The following EPS15 variants were observed in gnomAD, a reference collection of about 807,000 sequenced individuals.
EPS15 encodes epidermal growth factor receptor pathway substrate 15, also known as epidermal growth factor receptor substrate 15.
EPS15 carries 72 observed loss-of-function variants against 113.8 expected under a neutral mutation model. That is an observed-to-expected ratio of 0.63 (90% CI 0.52 to 0.77). The LOEUF (loss-of-function observed/expected upper bound fraction) is 0.77, where lower values mean the gene tolerates loss of function less well. Ranked by LOEUF, EPS15 falls within the 30% of genes least tolerant of loss-of-function variation. The pLI, the probability that EPS15 is intolerant of heterozygous loss-of-function variation, is 0.00. For synonymous variants in EPS15, 344 were observed against 363.4 expected (o/e 0.95, Z 0.61); for missense variants, 1,048 against 1,045.8 (o/e 1.00, Z -0.03).
intron 12 of EPS15, among the ~76,000 whole-genome samples, chr1:51,437,670 A>G (rs1652261115): frequency 6.6e-6 from 1 of 151,914 alleles, no homozygotes; most frequent in Admixed American, 6.6e-5. Flanking sequence ...TTTAGTAGAG[A>G]CAACGTTTCA....
intron 8 of EPS15, among the ~76,000 whole-genome samples, chr1:51,455,573 G>A (rs910263340): frequency 1.6e-4 from 24 of 151,420 alleles, no homozygotes; most frequent in African/African-American, 5.6e-4. Context: ...CTGGGTGACA[G>A]ACTCTCAAAA....
chr1:51,469,613 T>C (rs1655099997), intron 4 of EPS15, among the ~76,000 whole-genome samples: 1 of 152,198 alleles, frequency 6.6e-6, no homozygotes, highest in South Asian at 2.1e-4. Context: ...CCTTCACTAC[T>C]TCTCTGAAAT....
intron 12 of EPS15, among the ~76,000 whole-genome samples, chr1:51,422,310 T>C (rs1038976649): frequency 3.3e-5 from 5 of 152,144 alleles, no homozygotes; most frequent in African/African-American, 1.2e-4. Context: ...TTTACTGAAG[T>C]GTTAATTTCC....
chr1:51,499,146 C>T (rs1376706845), intron 1 of EPS15, among the ~76,000 whole-genome samples: 2 of 152,202 alleles, frequency 1.3e-5, no homozygotes, highest in African/African-American at 2.4e-5. Flanking sequence ...GCCTCCAGAA[C>T]TGGAAGAAAT....
At chr1:51,508,223 GAAAAGAA>G (rs1557536222) in intron 1 of EPS15, among the ~76,000 whole-genome samples, 2 of 78,472 alleles carry the variant, frequency 2.5e-5, no homozygotes, top group African/African-American at 9.4e-5. Context: ...GAAAAGAAAA[GAAAAGAA>G]AAGAAAAGAA....
intron 13 of EPS15, among the ~76,000 whole-genome samples, chr1:51,415,910 A>T (rs1650178131): frequency 1.3e-5 from 2 of 151,918 alleles, no homozygotes; most frequent in African/African-American, 2.4e-5. Context: ...ACAAAATCAA[A>T]ATGAACTCAT....
intron 24 of EPS15, among the ~76,000 whole-genome samples, chr1:51,357,447 T>C (rs1239113705): frequency 9.7e-4 from 83 of 85,682 alleles, no homozygotes; most frequent in African/African-American, 8.1e-3. Context: ...TTAAATGTGA[T>C]ATATATATAT....
At chr1:51,432,111 C>A (rs529478019) in intron 12 of EPS15, among the ~76,000 whole-genome samples, 1 of 152,214 alleles carries the variant, frequency 6.6e-6, no homozygotes. Flanking sequence ...CTTAAATCCT[C>A]CAGGAGTTGA....
chr1:51,363,399 T>G (rs376370651), intron 23 of EPS15, among the ~76,000 whole-genome samples: 1 of 152,240 alleles, frequency 6.6e-6, no homozygotes, highest in African/African-American at 2.4e-5. Context: ...TGCTGAATTC[T>G]GGATACTAAA....
intron 12 of EPS15, among the ~76,000 whole-genome samples, chr1:51,428,699 C>T (rs771758879): frequency 1.4e-4 from 21 of 151,784 alleles, no homozygotes; most frequent in Middle Eastern, 3.4e-3. Context: ...TGGTGGCAGG[C>T]GCCTGTAATC....
In EPS15 at chr1:51,356,847, C is replaced by T; in HGVS notation, c.2545-1G>A. 1.2e-6 allele frequency: 2 copies of T among 1,603,990 alleles called. No individual in the cohort carries two copies. Among genetic ancestry groups the T allele is most frequent in the Non-Finnish European group, 8.5e-7 (1 of 1,176,710 alleles). ...CGATCATATCTTCTTCAGAGGGATA[C>T]TGCCATTTAAAAGATCGATGAACAA... On this transcript the variant is annotated splice_acceptor_variant, in intron 24 of 24. Coordinates refer to ENST00000371733, the MANE Select transcript of EPS15 (RefSeq NM_001981.3). LOFTEE classifies it high-confidence loss of function.
chr1:51,459,507 T>C (rs1405772618), intron 8 of EPS15, among the ~76,000 whole-genome samples: 1 of 151,662 alleles, frequency 6.6e-6, no homozygotes, highest in African/African-American at 2.4e-5. Context: ...AAAATAAAAA[T>C]AATAAAATAA....
chr1:51,479,753 G>C (rs1369059069), intron 2 of EPS15, among the ~76,000 whole-genome samples: 1 of 152,150 alleles, frequency 6.6e-6, no homozygotes, highest in Non-Finnish European at 1.5e-5. Context: ...CATTATTTGA[G>C]AATGACTTCT....
intron 13 of EPS15, among the ~76,000 whole-genome samples, chr1:51,415,758 T>C (rs964250325): frequency 8.5e-6 from 1 of 117,702 alleles, no homozygotes; most frequent in African/African-American, 3.4e-5. Context: ...ATCGTGCCAT[T>C]GCACTCCAGC....
chr1:51,467,918 T>C (rs1453773781), intron 5 of EPS15, among the ~76,000 whole-genome samples: 3 of 152,186 alleles, frequency 2.0e-5, no homozygotes, highest in South Asian at 2.1e-4. Flanking sequence ...CGTTAATATA[T>C]AGCATGCTAC....
Position 51,508,688 on chromosome 1 carries a change from C to G in EPS15, c.33+10511G>C, listed in dbSNP as rs1239401148. Among the ~76,000 whole-genome samples the G allele has an allele frequency of 2.6e-5, 4 of 152,092 alleles. No homozygotes were observed. The South Asian group carries it at 8.3e-4, about 31-fold the overall frequency. ...ATATATATATAAAATATTTTACCTA[C>G]TGTTTTGGAGTAGATCACAGATCTT... On this transcript the variant is annotated intron_variant, in intron 1 of 24. Coordinates refer to ENST00000371733, the MANE Select transcript of EPS15 (RefSeq NM_001981.3).
Position 51,448,029 on chromosome 1 carries a change from G to A in EPS15, c.651+17C>T, listed in dbSNP as rs781396281. 1 of 1,612,392 alleles carries A rather than the reference G, an allele frequency of 6.2e-7. No individual in the cohort carries two copies. Among genetic ancestry groups the A allele is most frequent in the Non-Finnish European group, 8.5e-7 (1 of 1,179,106 alleles). On this transcript the variant is annotated intron_variant, in intron 9 of 24. Coordinates refer to ENST00000371733, the MANE Select transcript of EPS15 (RefSeq NM_001981.3). The stretch of plus-strand genomic sequence containing the variant: ...TGCTGAAGAGGGGATCAACCGCACA[G>A]AGCCTGATATACTGACCGTTTTTCT...
intron 21 of EPS15, among the ~76,000 whole-genome samples, chr1:51,377,715 T>C (rs940714859): frequency 2.6e-5 from 4 of 151,996 alleles, no homozygotes; most frequent in African/African-American, 9.7e-5. Context: ...CTAAAAGAAA[T>C]CGTACAGGAA....
At chr1:51,483,104 C>T (rs1012546325) in intron 1 of EPS15, among the ~76,000 whole-genome samples, 5 of 152,268 alleles carry the variant, frequency 3.3e-5, no homozygotes, top group African/African-American at 1.2e-4. Flanking sequence ...CCACCCAGGA[C>T]GTGAATCCCT....
Sources: gnomAD v4.1 joint callset for allele counts (sites outside exome capture counted in the v4.1 genomes callset) on GRCh38, gnomAD v4.1.1 for gene constraint, MANE v1.5 for transcripts, NCBI Gene and HGNC (gene_info 2026-07-23, HGNC 2026-07-21) for gene names.